The following EPHB1 variants were observed in gnomAD, a reference collection of about 807,000 sequenced individuals.
The protein encoded by EPHB1 is ephrin type-B receptor 1.
EPHB1 carries 30 observed loss-of-function variants against 94.4 expected under a neutral mutation model. The ratio of observed to expected loss-of-function variants is 0.32; its 90% CI spans 0.24 to 0.43. EPHB1 has a LOEUF of 0.43. EPHB1 is among the 20% of genes least tolerant of loss of function. The probability of loss-of-function intolerance (pLI) is 1.00; values close to 1 mark genes in which losing one functional copy is unlikely to be tolerated. For missense variants in EPHB1, 1,055 were observed against 1,308.3 expected (o/e 0.81, Z 2.99); for synonymous variants, 522 against 489.1 (o/e 1.07, Z -0.89).
chr3:134,832,659 T>C (rs1478941890), intron 1 of EPHB1, among the ~76,000 whole-genome samples: 1 of 152,234 alleles, frequency 6.6e-6, no homozygotes, highest in East Asian at 1.9e-4. Flanking sequence ...ATCTCACTTA[T>C]CACAAATTGA....
chr3:135,036,216 G>T (rs1389742126), intron 3 of EPHB1, among the ~76,000 whole-genome samples: 1 of 152,184 alleles, frequency 6.6e-6, no homozygotes, highest in African/African-American at 2.4e-5. Context: ...CCGTTGAGAC[G>T]CTATCTCTGG....
In EPHB1 at chr3:135,024,106, GTAA is replaced by G. The variant is rs143115201; in HGVS notation, c.805+72056_805+72058del. On this transcript the variant is annotated intron_variant, in intron 3 of 15. Transcript: ENST00000398015. ...CAACACTTGGTTCAGGCCACACGTG[GTAA>G]TGATGGCTGAGCTGAGCTATCAGCT... Among the ~76,000 whole-genome samples the G allele has an allele frequency of 6.9e-3, 1,050 of 152,318 alleles. 12 individuals carry two copies. The highest frequency in any genetic ancestry group is 0.024 in the African/African-American group (996 of 41,578).
intron 3 of EPHB1, among the ~76,000 whole-genome samples, chr3:134,964,616 G>C (rs1379420448): frequency 6.6e-6 from 1 of 152,190 alleles, no homozygotes; most frequent in African/African-American, 2.4e-5. Context: ...CTTCCATTTG[G>C]TTTCTGGGTC....
chr3:135,158,714 A>G (rs1300088138), intron 6 of EPHB1, among the ~76,000 whole-genome samples: 1 of 152,136 alleles, frequency 6.6e-6, no homozygotes, highest in Non-Finnish European at 1.5e-5. Flanking sequence ...CCATTTTAAT[A>G]CACTTCCATT....
chr3:135,106,650 T>C, intron 4 of EPHB1, 47 bp downstream of exon 4: 1 of 1,605,566 alleles, frequency 6.2e-7, no homozygotes, highest in Non-Finnish European at 8.5e-7. Flanking sequence ...GGTTCCCTGA[T>C]GGTGCAAGTG....
intron 3 of EPHB1, among the ~76,000 whole-genome samples, chr3:135,062,361 T>C (rs531280801): frequency 1.4e-4 from 22 of 152,372 alleles, no homozygotes; most frequent in Non-Finnish European, 3.1e-4. Flanking sequence ...CTACCATTTT[T>C]TAATTTTTTG....
At chr3:135,234,691 G>T (rs1943607503) in intron 12 of EPHB1, among the ~76,000 whole-genome samples, 1 of 152,222 alleles carries the variant, frequency 6.6e-6, no homozygotes, top group Admixed American at 6.5e-5. Context: ...AATCATGGTG[G>T]AAGGGGAAGC....
At chr3:135,036,216 G>A (rs1389742126) in intron 3 of EPHB1, among the ~76,000 whole-genome samples, 5 of 152,184 alleles carry the variant, frequency 3.3e-5, no homozygotes, top group African/African-American at 1.2e-4. Context: ...CCGTTGAGAC[G>A]CTATCTCTGG....
chr3:134,826,775 G>T (rs2036487179), intron 1 of EPHB1, among the ~76,000 whole-genome samples: 1 of 152,196 alleles, frequency 6.6e-6, no homozygotes, highest in Non-Finnish European at 1.5e-5. Context: ...CCCGAGGGAA[G>T]AGGGCAAGAG....
intron 1 of EPHB1, among the ~76,000 whole-genome samples, chr3:134,838,052 A>G (rs2036708554): frequency 2.0e-5 from 3 of 152,102 alleles, no homozygotes; most frequent in Admixed American, 2.0e-4. Context: ...CAGCTCCAGG[A>G]TTATGTGGGA....
chr3:134,961,128 T>G (rs1198396056), intron 3 of EPHB1, among the ~76,000 whole-genome samples: 1 of 152,212 alleles, frequency 6.6e-6, no homozygotes, highest in Non-Finnish European at 1.5e-5. Context: ...CACCAACTGG[T>G]ACTGGGCCCT....
intron 3 of EPHB1, among the ~76,000 whole-genome samples, chr3:134,967,327 A>G (rs1933796436): frequency 1.3e-5 from 2 of 152,206 alleles, no homozygotes; most frequent in South Asian, 4.1e-4. Flanking sequence ...GAACCTGGGA[A>G]GACACATGCT....
chr3:134,904,543 C>A (rs2038276904), intron 1 of EPHB1, among the ~76,000 whole-genome samples: 1 of 152,070 alleles, frequency 6.6e-6, no homozygotes, highest in African/African-American at 2.4e-5. Flanking sequence ...CAACAACCCA[C>A]AGTTTTTGGG....
chr3:134,820,798 C>A (rs1343480857), intron 1 of EPHB1, among the ~76,000 whole-genome samples: 1 of 151,996 alleles, frequency 6.6e-6, no homozygotes, highest in African/African-American at 2.4e-5. Flanking sequence ...CAATGCTGGT[C>A]AAAAGAAACA....
At chr3:134,957,465 A>G (rs1482704128) in intron 3 of EPHB1, among the ~76,000 whole-genome samples, 1 of 152,182 alleles carries the variant, frequency 6.6e-6, no homozygotes, top group Non-Finnish European at 1.5e-5. Context: ...TGGGTAGACC[A>G]AGAACAAAGC....
intron 4 of EPHB1, among the ~76,000 whole-genome samples, chr3:135,119,808 C>G (rs1186561372): frequency 2.6e-5 from 4 of 152,062 alleles, no homozygotes; most frequent in South Asian, 2.1e-4. Flanking sequence ...CTTCTTCCAT[C>G]TGGAACTTTA....
At chr3:135,139,064 C>T (rs1371166247) in intron 5 of EPHB1, among the ~76,000 whole-genome samples, 1 of 152,224 alleles carries the variant, frequency 6.6e-6, no homozygotes, top group Non-Finnish European at 1.5e-5. Context: ...AGAGCAGCCG[C>T]ACAATGCCAG....
At chr3:134,835,595 A>G (rs147002046) in intron 1 of EPHB1, among the ~76,000 whole-genome samples, 31 of 152,342 alleles carry the variant, frequency 2.0e-4, no homozygotes, top group African/African-American at 7.5e-4. Flanking sequence ...TTAAAAAAGC[A>G]GGAGCCAAGA....
chr3:134,909,120 G>GGGGC (rs1553864851), intron 1 of EPHB1, among the ~76,000 whole-genome samples: 4 of 110,638 alleles, frequency 3.6e-5, no homozygotes, highest in African/African-American at 1.5e-4. Flanking sequence ...GGGGGCGGGG[G>GGGGC]GCGGGCTGGA....
Sources: gnomAD v4.1 joint callset for allele counts (sites outside exome capture counted in the v4.1 genomes callset) on GRCh38, gnomAD v4.1.1 for gene constraint, MANE v1.5 for transcripts, NCBI Gene and HGNC (gene_info 2026-07-23, HGNC 2026-07-21) for gene names.